TNRC18: variants seen among roughly 807,000 people sequenced by gnomAD.
TNRC18 encodes the protein trinucleotide repeat-containing gene 18 protein.
In TNRC18, 69 loss-of-function variants were observed where a neutral mutation model predicts 226.7. That is an observed-to-expected ratio of 0.30 (90% confidence interval 0.25 to 0.37). The LOEUF (loss-of-function observed/expected upper bound fraction) is 0.37. Among genes scored for constraint, TNRC18 ranks in the 10% least tolerant of loss-of-function variants. TNRC18 has a pLI of 1.00. For missense variants in TNRC18, 4,754 were observed against 4,256.6 expected (o/e 1.12, Z -3.25); for synonymous variants, 2,449 against 1,927.6 (o/e 1.27, Z -7.09).
Position 5,372,543 on chromosome 7 carries a change from A to G in TNRC18, c.3230-1179T>C, listed in dbSNP as rs1053040644. Among the ~76,000 whole-genome samples, 160 of 142,578 alleles carry G rather than the reference A, an allele frequency of 1.1e-3. 1 individual carries two copies. The highest frequency in any genetic ancestry group is 3.6e-3 in the Middle Eastern group (1 of 276). 93.5% of individuals were successfully genotyped at this position (142,578 alleles called of 152,430 possible). A position where few individuals can be genotyped will look rare whatever the true frequency, so the allele number is the denominator to read the frequency against. ...TGACCTGGAAGACTCCATCTCTACTAAAAAAAAAAAAAGAAAAAAAAATTA... is the reference window on the plus strand; with the variant it reads ...TGACCTGGAAGACTCCATCTCTACTGAAAAAAAAAAAAGAAAAAAAAATTA... On this transcript the variant is annotated intron_variant, in intron 10 of 29. Coordinates refer to ENST00000430969, the MANE Select transcript of TNRC18 (RefSeq NM_001080495.3).
Position 5,378,040 on chromosome 7 carries a change from T to C in TNRC18, c.2153-16A>G. ...CGGCCGTGCCCTGCAGGGGGCCAGGTGGAAGTGAGCCCCCAGCCAGCACCG... is the reference window on the plus strand; with the variant it reads ...CGGCCGTGCCCTGCAGGGGGCCAGGCGGAAGTGAGCCCCCAGCCAGCACCG... On this transcript the variant is annotated splice_polypyrimidine_tract_variant and intron_variant, in intron 5 of 29. Coordinates refer to ENST00000430969, the MANE Select transcript of TNRC18 (RefSeq NM_001080495.3). 1 of 1,602,012 alleles carries C rather than the reference T, an allele frequency of 6.2e-7. No individual in the cohort carries two copies. The highest frequency in any genetic ancestry group is 1.3e-5 in the African/African-American group (1 of 74,806).
intron 2 of TNRC18, among the ~76,000 whole-genome samples, chr7:5,416,402 G>A (rs919469616): frequency 1.7e-4 from 26 of 152,166 alleles, no homozygotes; most frequent in African/African-American, 5.8e-4. Flanking sequence ...GCGACAGAGC[G>A]AGACTCCGTC....
intron 16 of TNRC18, 135 bp from the exon 17 acceptor site, chr7:5,352,229 C>T (rs1791906366): frequency 8.8e-6 from 8 of 908,956 alleles, no homozygotes; most frequent in South Asian, 5.4e-5. Context: ...AGTAGGCGGC[C>T]GTACAAAGGC....
rs559741157 is a variant in TNRC18, at chr7:5,338,727, C to T, written c.5720-5678G>A. 2.6e-5 allele frequency among the ~76,000 whole-genome samples: 4 copies of T among 151,528 alleles called. 1 individual carries two copies. Among genetic ancestry groups the T allele is most frequent in the African/African-American group, 9.7e-5 (4 of 41,310 alleles). On this transcript the variant is annotated intron_variant, in intron 18 of 29. Transcript: ENST00000430969. The stretch of plus-strand genomic sequence containing the variant: ...CGTGAGGTCGGGAGTTTGAGACCAG[C>T]TTGACCAACATGGAGAAACCCCGTC...
At chr7:5,350,381 G>A (rs540388997) in intron 17 of TNRC18, among the ~76,000 whole-genome samples, 15 of 151,538 alleles carry the variant, frequency 9.9e-5, no homozygotes, top group African/African-American at 3.6e-4. Context: ...GGGGAGGTCT[G>A]GGAGGGGAGG....
intron 19 of TNRC18, 24 bp from the exon 20 acceptor site, chr7:5,325,272 G>T (rs374098510): frequency 6.5e-7 from 1 of 1,544,592 alleles, no homozygotes; most frequent in South Asian, 1.2e-5. Context: ...CAGCAGAGAG[G>T]AGCCATCAAA....
Position 5,376,978 on chromosome 7 carries a change from G to C in TNRC18, c.2477C>G (p.Ser826Cys). The change falls in exon 8 of 30, where the codon TCT becomes TGT. Residue 826 changes from serine to cysteine, a missense_variant. Coordinates refer to ENST00000430969, the MANE Select transcript of TNRC18 (RefSeq NM_001080495.3). ...AGHPYGLGPPSLHQGMAPAFP... is the reference protein window; with the variant it reads ...AGHPYGLGPPCLHQGMAPAFP... Reference sequence around the variant, plus strand: ...CGCAGGGGCCATGCCCTGGTGCAGAGATGGGGGACCCAAGCCTAGGAGGAG... The same window carrying C: ...CGCAGGGGCCATGCCCTGGTGCAGACATGGGGGACCCAAGCCTAGGAGGAG... 1 of 1,583,372 alleles carries C rather than the reference G, an allele frequency of 6.3e-7. No individual in the cohort carries two copies. Among genetic ancestry groups the C allele is most frequent in the Non-Finnish European group, 8.6e-7 (1 of 1,165,088 alleles).
At position 5,389,317 on chromosome 7, in the gene TNRC18, G is replaced by A. The variant is rs1423119919; in HGVS notation, c.507C>T (p.Thr169=). ...GPGGDGFYLP[T]AGAPGSLHSH... ...AGTGCAGGGAGCCCGGAGCCCCCGC[G>A]GTGGGCAGGTAGAAACCGTCTGCGG... is the stretch of plus-strand genomic sequence containing the variant. The change falls in exon 5 of 30, where the codon ACC becomes ACT. Residue 169 remains threonine (T), a synonymous_variant. Coordinates refer to ENST00000430969, the MANE Select transcript of TNRC18 (RefSeq NM_001080495.3). The A allele has an allele frequency of 2.3e-6, 3 of 1,280,144 alleles. No homozygotes were observed. The highest frequency in any genetic ancestry group is 3.0e-6 in the Non-Finnish European group (3 of 1,013,660). The allele number at this position is 1,280,144 out of a possible 1,614,324, so 79.3% of individuals were successfully genotyped here.
At chr7:5,325,418 GT>G (rs138438851) in intron 19 of TNRC18, 170 bp from the exon 20 acceptor site, 77 of 589,524 alleles carry the variant, frequency 1.3e-4, no homozygotes, top group African/African-American at 1.7e-4. Flanking sequence ...TTGGTTTTGG[GT>G]TTTTTTTTGT....
intron 17 of TNRC18, among the ~76,000 whole-genome samples, chr7:5,347,972 T>C (rs763816110): frequency 1.1e-4 from 16 of 152,044 alleles, no homozygotes; most frequent in Admixed American, 3.3e-4. Context: ...TAATAAGTAA[T>C]AAAAACTTTA....
At chr7:5,419,939 G>GA (rs1782443122) in intron 2 of TNRC18, 1 of 163,218 alleles carries the variant, frequency 6.1e-6, no homozygotes, top group Non-Finnish European at 1.4e-5. Flanking sequence ...GGGCTACTCT[G>GA]GAAATTGCAA....
chr7:5,417,362 C>T (rs1427560766), intron 2 of TNRC18, among the ~76,000 whole-genome samples: 1 of 151,626 alleles, frequency 6.6e-6, no homozygotes, highest in Non-Finnish European at 1.5e-5. Flanking sequence ...TCTAGCTACT[C>T]GGGAGGCTGA....
chr7:5,314,933 G>A, intron 26 of TNRC18, 51 bp downstream of exon 26: 5 of 1,540,478 alleles, frequency 3.2e-6, no homozygotes, highest in Non-Finnish European at 4.4e-6. Context: ...GAGTTTGGAT[G>A]CACGAAGGAG....
intron 11 of TNRC18, among the ~76,000 whole-genome samples, chr7:5,366,382 G>T (rs1793630870): frequency 7.3e-6 from 1 of 136,290 alleles, no homozygotes; most frequent in East Asian, 2.2e-4. Flanking sequence ...AGGCTGGAGT[G>T]CAGTGACCAA....
chr7:5,307,251 GTTTATATATATA>G lies in TNRC18; in HGVS notation c.*843_*854del, dbSNP rs1449133995. On this transcript the variant is annotated 3_prime_UTR_variant, in exon 30 of 30. Coordinates refer to ENST00000430969, the MANE Select transcript of TNRC18 (RefSeq NM_001080495.3). ...TAGCTATTTTTCACAGTTTTAAAAA[GTTTATATATATA>G]TTTATATATATTTATCTTTATATAT... 1 of 148,610 alleles carries G rather than the reference GTTTATATATATA, an allele frequency of 6.7e-6. No individual in the cohort carries two copies. The highest frequency in any genetic ancestry group is 1.5e-5 in the Non-Finnish European group (1 of 67,358). 9.2% of individuals were successfully genotyped at this position (148,610 alleles called of 1,614,324 possible). A position where few individuals can be genotyped will look rare whatever the true frequency, so the allele number is the denominator to read the frequency against.
In TNRC18 at chr7:5,307,589, T is replaced by C. The variant is rs1348003252; in HGVS notation, c.*517A>G. The C allele has an allele frequency of 2.2e-6, 1 of 447,154 alleles. No individual in the cohort carries two copies. Among genetic ancestry groups the C allele is most frequent in the Middle Eastern group, 6.4e-4 (1 of 1,558 alleles). The allele number at this position is 447,154 out of a possible 1,614,324, so 27.7% of individuals were successfully genotyped here. On this transcript the variant is annotated 3_prime_UTR_variant, in exon 30 of 30. Transcript: ENST00000430969. ...CCTGAGAGGGTGGGGGCAGGGCCCC[T>C]GGCACAGTCAGGTAGGCCAGCTGGC...
At position 5,324,985 on chromosome 7, in the gene TNRC18, C is replaced by T. The variant is rs137934240; in HGVS notation, c.6300+111G>A. 79 of 1,317,032 alleles carry T rather than the reference C, an allele frequency of 6.0e-5. No individual in the cohort carries two copies. In the African/African-American group the frequency reaches 1.1e-3, roughly 18 times the overall value. The allele number at this position is 1,317,032 out of a possible 1,614,324, so 81.6% of individuals were successfully genotyped here. ...CCTCGTCACCCGCAACCTCTCTGAGCCACAGCTATAGGGAGGGTGAATACA... is the reference window on the plus strand; with the variant it reads ...CCTCGTCACCCGCAACCTCTCTGAGTCACAGCTATAGGGAGGGTGAATACA... On this transcript the variant is annotated intron_variant, in intron 20 of 29. Transcript: ENST00000430969. The surrounding 1 kb of genome is among the most constrained non-coding windows in gnomAD (Gnocchi z 4.8).
chr7:5,313,155 G>A lies in TNRC18; in HGVS notation c.7736C>T (p.Ser2579Leu), dbSNP rs1272947737. The A allele has an allele frequency of 5.2e-6, 8 of 1,528,240 alleles. No homozygotes were observed. Among genetic ancestry groups the A allele is most frequent in the Admixed American group, 2.0e-5 (1 of 50,902 alleles). 94.7% of individuals were successfully genotyped at this position (1,528,240 alleles called of 1,614,324 possible). Residue 2579 changes from serine (S) to leucine (L), a missense_variant, in exon 27 of 30, where the codon TCG becomes TTG. By Grantham distance (145) the Ser-to-Leu change is moderately radical. Coordinates refer to ENST00000430969, the MANE Select transcript of TNRC18 (RefSeq NM_001080495.3). ...GCCTTCCTCCTCCCCTTCTGTCTCCGAGCCGCTGCTGCTGCTGCTGCTGCT... is the reference window on the plus strand; with the variant it reads ...GCCTTCCTCCTCCCCTTCTGTCTCCAAGCCGCTGCTGCTGCTGCTGCTGCT... The part of the protein sequence containing the change: ...SSSSSSSSSG[S>L]ETEGEEEGDK...
At chr7:5,362,596 C>CA in intron 12 of TNRC18, 54 bp downstream of exon 12, 1 of 1,466,516 alleles carries the variant, frequency 6.8e-7, no homozygotes, top group Non-Finnish European at 9.1e-7. Context: ...CACAGAGGGG[C>CA]CTCCCACCCA....
Sources: gnomAD v4.1 joint callset for allele counts (sites outside exome capture counted in the v4.1 genomes callset) on GRCh38, gnomAD v4.1.1 for gene constraint, Gnocchi (gnomAD v3.1) non-coding constraint, MANE v1.5 for transcripts, NCBI Gene and HGNC (gene_info 2026-07-23, HGNC 2026-07-21) for gene names.